Variants in IGSF11 observed in about 807,000 individuals in gnomAD.
IGSF11 encodes the protein CXADR like 1.
IGSF11 carries 22 observed loss-of-function variants against 41.0 expected under a neutral mutation model. That is an observed-to-expected ratio of 0.54 (90% CI 0.38 to 0.77). IGSF11 has a LOEUF of 0.77. Among genes scored for constraint, IGSF11 ranks in the 30% least tolerant of loss-of-function variants. The probability of loss-of-function intolerance (pLI) is 0.00; values close to 1 mark genes in which losing one functional copy is unlikely to be tolerated. For missense variants in IGSF11, 444 were observed against 530.8 expected, an observed-to-expected ratio of 0.84 and a Z score of 1.61; for synonymous variants, 219 against 201.3, an observed-to-expected ratio of 1.09 and a Z score of -0.74.
intron 1 of IGSF11, among the ~76,000 whole-genome samples, chr3:119,055,637 G>A (rs1376618984): frequency 1.3e-5 from 2 of 152,312 alleles, no homozygotes; most frequent in Admixed American, 6.5e-5. Context: ...GACATCTACA[G>A]AACTCTCCAC....
chr3:119,123,218 C>G (rs1179691571), intron 1 of IGSF11, among the ~76,000 whole-genome samples: 1 of 152,176 alleles, frequency 6.6e-6, no homozygotes, highest in Non-Finnish European at 1.5e-5. Flanking sequence ...CAGTACTTTC[C>G]GTGGGCCTGT....
intron 1 of IGSF11, among the ~76,000 whole-genome samples, chr3:118,969,065 C>A (rs564565072): frequency 2.0e-5 from 3 of 151,814 alleles, no homozygotes; most frequent in Non-Finnish European, 4.4e-5. Flanking sequence ...CAAGAGAACA[C>A]AAGAGAAAAA....
chr3:119,101,899 A>C (rs936617047), intron 1 of IGSF11, among the ~76,000 whole-genome samples: 1 of 152,230 alleles, frequency 6.6e-6, no homozygotes, highest in African/African-American at 2.4e-5. Context: ...AATGTTAGTG[A>C]ATTATAAGAT....
At chr3:118,944,507 C>T (rs1396011422) in intron 1 of IGSF11, among the ~76,000 whole-genome samples, 1 of 146,996 alleles carries the variant, frequency 6.8e-6, no homozygotes, top group Admixed American at 6.9e-5. Flanking sequence ...CACACACACA[C>T]GATCCCTCTC....
At chr3:118,969,577 T>C (rs6807838) in intron 1 of IGSF11, among the ~76,000 whole-genome samples, 11,835 of 152,196 alleles carry the variant, frequency 0.078, 652 homozygotes, top group Admixed American at 0.16. Flanking sequence ...GAGGCTTCAC[T>C]GCAAATGAAC....
chr3:119,008,901 G>C (rs944476368), intron 1 of IGSF11, among the ~76,000 whole-genome samples: 2 of 152,188 alleles, frequency 1.3e-5, no homozygotes, highest in South Asian at 2.1e-4. Flanking sequence ...AAGCAAGAGA[G>C]AATTCTCCTG....
chr3:118,966,006 AG>A (rs1945650493), intron 1 of IGSF11, among the ~76,000 whole-genome samples: 1 of 151,396 alleles, frequency 6.6e-6, no homozygotes, highest in South Asian at 2.1e-4. Context: ...CACAGAAATG[AG>A]AAAAAAAAAA....
intron 1 of IGSF11, among the ~76,000 whole-genome samples, chr3:118,993,157 G>C (rs1935948959): frequency 6.6e-6 from 1 of 152,184 alleles, no homozygotes; most frequent in African/African-American, 2.4e-5. Context: ...GAGCCCAAGA[G>C]TTCAAGGATG....
chr3:119,113,272 C>T (rs1463501149), intron 1 of IGSF11, among the ~76,000 whole-genome samples: 1 of 152,188 alleles, frequency 6.6e-6, no homozygotes, highest in Non-Finnish European at 1.5e-5. Context: ...AAAGTCTTAA[C>T]TCATTCCAGC....
chr3:119,113,001 G>A (rs561125648), intron 1 of IGSF11, among the ~76,000 whole-genome samples: 11 of 152,208 alleles, frequency 7.2e-5, no homozygotes, highest in African/African-American at 2.6e-4. Context: ...AGAACAAAGG[G>A]GGAGGTGCTA....
chr3:119,122,844 AC>A (rs1415866969), intron 1 of IGSF11, among the ~76,000 whole-genome samples: 2 of 152,228 alleles, frequency 1.3e-5, no homozygotes, highest in East Asian at 3.8e-4. Flanking sequence ...CAGCAGTGAT[AC>A]CCAGGTAGTA....
intron 1 of IGSF11, among the ~76,000 whole-genome samples, chr3:119,093,551 C>T (rs1465981349): frequency 1.3e-5 from 2 of 152,074 alleles, no homozygotes; most frequent in Non-Finnish European, 2.9e-5. Flanking sequence ...ACGTCAATAC[C>T]GAAAGCAAAG....
chr3:119,045,037 C>G (rs6796270), intron 1 of IGSF11, among the ~76,000 whole-genome samples: 26,545 of 152,174 alleles, frequency 0.17, 2,824 homozygotes, highest in South Asian at 0.29. Flanking sequence ...ATGAATAGAA[C>G]AGTACCTCAC....
At chr3:119,082,963 C>A (rs2076606852) in intron 1 of IGSF11, among the ~76,000 whole-genome samples, 1 of 151,960 alleles carries the variant, frequency 6.6e-6, no homozygotes, top group South Asian at 2.1e-4. Flanking sequence ...GACTTAAAAT[C>A]AATTGTCAGG....
intron 1 of IGSF11, among the ~76,000 whole-genome samples, chr3:119,017,026 A>C (rs1487472276): frequency 1.4e-5 from 2 of 145,606 alleles, no homozygotes; most frequent in African/African-American, 5.3e-5. Flanking sequence ...AGCAAAGTTA[A>C]ATGGACGCAG....
chr3:118,985,328 G>T (rs1034841188), intron 1 of IGSF11, among the ~76,000 whole-genome samples: 1 of 152,158 alleles, frequency 6.6e-6, no homozygotes, highest in Non-Finnish European at 1.5e-5. Flanking sequence ...GAATCTACTG[G>T]ATATTTTTAA....
Position 119,034,710 on chromosome 3 carries a change from C to G in IGSF11, c.-128G>C, listed in dbSNP as rs1013841105. ...CACACCCAGCGCCGGGCCGCTGTTC[C>G]CCGCGCAGAGCTGGGACTGTCAGAC... On this transcript the variant is annotated 5_prime_UTR_variant, in exon 1 of 7. Coordinates refer to ENST00000393775, the MANE Select transcript of IGSF11 (RefSeq NM_001015887.3). The G allele has an allele frequency of 1.1e-5, 15 of 1,384,440 alleles. No individual in the cohort carries two copies. The highest frequency in any genetic ancestry group is 1.4e-5 in the Non-Finnish European group (15 of 1,064,400). The allele number at this position is 1,384,440 out of a possible 1,614,324, so 85.8% of individuals were successfully genotyped here. A position where few individuals can be genotyped will look rare whatever the true frequency, so the allele number is the denominator to read the frequency against.
Position 119,010,812 on chromosome 3 carries a change from T to C in IGSF11, c.52+23719A>G, listed in dbSNP as rs561628032. Among the ~76,000 whole-genome samples, 9 of 152,348 alleles carry C rather than the reference T, an allele frequency of 5.9e-5. No homozygotes were observed. The East Asian group carries it at 1.5e-3, about 26-fold the overall frequency. On this transcript the variant is annotated intron_variant, in intron 1 of 6. Coordinates refer to ENST00000393775, the MANE Select transcript of IGSF11 (RefSeq NM_001015887.3). The stretch of plus-strand genomic sequence containing the variant: ...TTTCTCTGGAGAACCATGAATGATA[T>C]ACCTTCCCAGGTTAGCAAACACCAA...
At chr3:118,951,574 T>C (rs113378944) in intron 1 of IGSF11, among the ~76,000 whole-genome samples, 1,801 of 152,282 alleles carry the variant, frequency 0.012, 40 homozygotes, top group African/African-American at 0.041. Context: ...AGACTAATAA[T>C]AATATCTATC....
Sources: allele counts gnomAD v4.1 joint callset (sites outside exome capture counted in the v4.1 genomes callset), GRCh38; gene constraint gnomAD v4.1.1; transcripts MANE v1.5; gene names NCBI Gene and HGNC (gene_info 2026-07-23, HGNC 2026-07-21).